Variants in LIMA1 observed in about 807,000 individuals in gnomAD.
LIMA1 encodes LIM domain and actin binding 1, also known as LIM domain and actin-binding protein 1.
In LIMA1, 52 loss-of-function variants were observed where a neutral mutation model predicts 62.6. The observed-to-expected ratio is 0.83, with a 90% CI of 0.67 to 1.05. The LOEUF (loss-of-function observed/expected upper bound fraction) is 1.05, where lower values mean the gene tolerates loss of function less well. Among genes scored for constraint, LIMA1 ranks in the 50% least tolerant of loss-of-function variants. LIMA1 has a pLI of 0.00. For synonymous variants in LIMA1, 302 were observed against 317.8 expected (o/e 0.95, Z 0.53); for missense variants, 780 against 902.2 (o/e 0.86, Z 1.74).
intron 4 of LIMA1, among the ~76,000 whole-genome samples, chr12:50,221,358 C>G (rs1329075165): frequency 3.3e-5 from 5 of 152,248 alleles, no homozygotes; most frequent in Non-Finnish European, 7.3e-5. Flanking sequence ...AACTCATTTT[C>G]TAGTTAAGTA....
At chr12:50,269,497 G>T (rs942966858) in intron 1 of LIMA1, among the ~76,000 whole-genome samples, 11 of 152,150 alleles carry the variant, frequency 7.2e-5, no homozygotes, top group Admixed American at 6.5e-4. Context: ...AATAAAAAGA[G>T]AATATCTCTA....
intron 2 of LIMA1, among the ~76,000 whole-genome samples, chr12:50,239,048 G>C (rs1392065331): frequency 1.3e-5 from 2 of 152,038 alleles, no homozygotes; most frequent in African/African-American, 2.4e-5. Context: ...ATTTTCATTC[G>C]AGAAATACTT....
At position 50,231,727 on chromosome 12, in the gene LIMA1, G is replaced by A. The variant is rs1435313233; in HGVS notation, c.120-17C>T. The A allele has an allele frequency of 1.9e-6, 3 of 1,607,580 alleles. No individual in the cohort carries two copies. The highest frequency in any genetic ancestry group is 2.2e-5 in the East Asian group (1 of 44,862). On this transcript the variant is annotated splice_polypyrimidine_tract_variant and intron_variant, in intron 2 of 10. Transcript: ENST00000341247. ...TTCTGGTACCTTCAGAGAAGGGAAG[G>A]AAAGAATGTCTCAAATTAAACTTAT...
At chr12:50,229,011 T>C (rs1941571360) in intron 3 of LIMA1, among the ~76,000 whole-genome samples, 3 of 152,210 alleles carry the variant, frequency 2.0e-5, no homozygotes, top group Non-Finnish European at 4.4e-5. Flanking sequence ...CACAAGCCAC[T>C]GTGGCAGAGC....
At chr12:50,280,831 C>G (rs1166424508) in intron 1 of LIMA1, among the ~76,000 whole-genome samples, 1 of 152,152 alleles carries the variant, frequency 6.6e-6, no homozygotes, top group African/African-American at 2.4e-5. Context: ...TGTTAAGTAA[C>G]CTCACCTGGA....
intron 3 of LIMA1, among the ~76,000 whole-genome samples, chr12:50,227,855 T>C (rs11169328): frequency 6.0e-5 from 9 of 150,576 alleles, no homozygotes; most frequent in African/African-American, 2.2e-4. Flanking sequence ...ATTTTTTTTT[T>C]CTTTTTTTTT....
chr12:50,235,577 A>G (rs1488975433), intron 2 of LIMA1, among the ~76,000 whole-genome samples: 1 of 151,880 alleles, frequency 6.6e-6, no homozygotes, highest in African/African-American at 2.4e-5. Context: ...CAATCCTATC[A>G]CTGTCTAATT....
intron 4 of LIMA1, among the ~76,000 whole-genome samples, chr12:50,217,397 T>C (rs1472265933): frequency 6.6e-6 from 1 of 152,156 alleles, no homozygotes; most frequent in Admixed American, 6.6e-5. Flanking sequence ...AGAACACCTA[T>C]TGCTAAATAG....
Position 50,192,984 on chromosome 12 carries a change from G to A in LIMA1, c.1031-423C>T, listed in dbSNP as rs962728184. ...AGGGCAGAAATTTTGTACTCTGTGTGTGTGTGTGTGTGTGTGTGTGCGCGC... is the reference window on the plus strand; with the variant it reads ...AGGGCAGAAATTTTGTACTCTGTGTATGTGTGTGTGTGTGTGTGTGCGCGC... On this transcript the variant is annotated intron_variant, in intron 8 of 10. Coordinates refer to ENST00000341247, the MANE Select transcript of LIMA1 (RefSeq NM_016357.5). 3.0e-5 allele frequency among the ~76,000 whole-genome samples: 3 copies of A among 99,720 alleles called. No homozygotes were observed. In the East Asian group the frequency reaches 3.3e-3, roughly 111 times the overall value. The allele number at this position is 99,720 out of a possible 152,430, so 65.4% of individuals were successfully genotyped here.
chr12:50,205,919 C>A, intron 5 of LIMA1, 65 bp downstream of exon 5: 1 of 1,218,330 alleles, frequency 8.2e-7, no homozygotes, highest in South Asian at 1.5e-5. Context: ...GCTTCGAGTC[C>A]AAAAGATGTT....
At position 50,201,129 on chromosome 12, in the gene LIMA1, T is replaced by C. The variant is rs1169171269; in HGVS notation, c.865-245A>G. On this transcript the variant is annotated intron_variant, in intron 6 of 10. Transcript: ENST00000341247. The stretch of plus-strand genomic sequence containing the variant: ...TGTAAAACTGGATTGCTCATTAGAA[T>C]ACAGACACATCAACACAGGCACACA... 4.8e-6 allele frequency: 6 copies of C among 1,245,440 alleles called. No homozygotes were observed. The African/African-American group carries it at 9.3e-5, about 19-fold the overall frequency. 77.1% of individuals were successfully genotyped at this position (1,245,440 alleles called of 1,614,324 possible). A position where few individuals can be genotyped will look rare whatever the true frequency, so the allele number is the denominator to read the frequency against.
intron 3 of LIMA1, among the ~76,000 whole-genome samples, chr12:50,227,081 T>C (rs909790772): frequency 1.3e-5 from 2 of 152,010 alleles, no homozygotes; most frequent in East Asian, 3.9e-4. Flanking sequence ...AACAAATACA[T>C]AGATAGATGT....
intron 10 of LIMA1, among the ~76,000 whole-genome samples, chr12:50,180,754 G>A (rs1198747377): frequency 6.6e-6 from 1 of 151,944 alleles, no homozygotes; most frequent in Non-Finnish European, 1.5e-5. Context: ...CTTAAGTTAC[G>A]AACCATTCTG....
intron 1 of LIMA1, among the ~76,000 whole-genome samples, chr12:50,280,142 G>GTTTTT (rs1377385556): frequency 7.3e-5 from 7 of 95,888 alleles, no homozygotes; most frequent in African/African-American, 1.6e-4. Context: ...CAGGGTAGTA[G>GTTTTT]TATTTTTTTT....
chr12:50,215,302 T>A (rs1192812839), intron 4 of LIMA1, among the ~76,000 whole-genome samples: 1 of 152,118 alleles, frequency 6.6e-6, no homozygotes, highest in African/African-American at 2.4e-5. Flanking sequence ...TCTATACATA[T>A]CATGATCCTG....
chr12:50,178,482 G>C (rs751904683), intron 10 of LIMA1, among the ~76,000 whole-genome samples: 9 of 151,642 alleles, frequency 5.9e-5, no homozygotes, highest in Admixed American at 3.3e-4. Flanking sequence ...GGGAGGCAGA[G>C]GTTGCAGTGA....
chr12:50,230,296 A>C (rs539524223), intron 3 of LIMA1, among the ~76,000 whole-genome samples: 1 of 152,334 alleles, frequency 6.6e-6, no homozygotes, highest in South Asian at 2.1e-4. Flanking sequence ...TCGGCCTCCC[A>C]AAGTGCTGGG....
chr12:50,212,346 AG>A (rs1384251459), intron 4 of LIMA1, among the ~76,000 whole-genome samples: 2 of 152,202 alleles, frequency 1.3e-5, no homozygotes, highest in Admixed American at 6.5e-5. Context: ...TCAAGGGCAG[AG>A]GAAGGTTGGC....
chr12:50,177,239 G>A lies in LIMA1; in HGVS notation c.2105C>T (p.Pro702Leu). The change falls in exon 11 of 11, where the codon CCC (proline) becomes CTC (leucine). Residue 702 changes from proline (P) to leucine (L), a missense_variant. Transcript: ENST00000341247. ...SFLKQQSPQEPKSLNWSSFVD... is the reference protein window; with the variant it reads ...SFLKQQSPQELKSLNWSSFVD... ...AAAACTCGACCAATTCAGAGACTTG[G>A]GTTCTTGTGGAGATTGTTGTTTGAG... 6.2e-7 allele frequency: 1 copy of A among 1,614,018 alleles called. No homozygotes were observed. The highest frequency in any genetic ancestry group is 1.1e-5 in the South Asian group (1 of 91,026).
Sources: allele counts gnomAD v4.1 joint callset (sites outside exome capture counted in the v4.1 genomes callset), GRCh38; gene constraint gnomAD v4.1.1; transcripts MANE v1.5; gene names NCBI Gene and HGNC (gene_info 2026-07-23, HGNC 2026-07-21).